The following ZNF699 variants were observed in gnomAD, a reference collection of about 807,000 sequenced individuals.
ZNF699 encodes the protein zinc finger protein 699.
A neutral mutation model predicts 22.5 loss-of-function variants in ZNF699; 18 were observed. That is an observed-to-expected ratio of 0.80 (90% CI 0.55 to 1.19). The LOEUF is 1.19. Among genes scored for constraint, ZNF699 ranks in the 50% most tolerant of loss-of-function variants. ZNF699 has a pLI of 0.00. For synonymous variants in ZNF699, 241 were observed against 262.3 expected (o/e 0.92, Z 0.78); for missense variants, 670 against 763.4 (o/e 0.88, Z 1.44).
intron 3 of ZNF699, among the ~76,000 whole-genome samples, chr19:9,298,736 C>G (rs1045342763): frequency 6.6e-6 from 1 of 152,162 alleles, no homozygotes; most frequent in African/African-American, 2.4e-5. Context: ...ATAATACTGT[C>G]AGCAACCAGC....
At position 9,298,540 on chromosome 19, in the gene ZNF699, G is replaced by A. The variant is rs145519838; in HGVS notation, c.176-550C>T. ...CACCTAAACCTCAATATCATTACAA[G>A]CTGGTCAGACAGTCACAACTGGGAC... On this transcript the variant is annotated intron_variant, in intron 3 of 5. Coordinates refer to ENST00000591998, the MANE Select transcript of ZNF699 (RefSeq NM_198535.3). Among the ~76,000 whole-genome samples the A allele has an allele frequency of 4.9e-4, 75 of 151,848 alleles. 1 individual carries two copies. The highest frequency in any genetic ancestry group is 1.7e-3 in the African/African-American group (72 of 41,402).
chr19:9,301,886 G>T (rs2144980130), intron 3 of ZNF699, among the ~76,000 whole-genome samples: 1 of 151,562 alleles, frequency 6.6e-6, no homozygotes, highest in Non-Finnish European at 1.5e-5. Flanking sequence ...TCAATATACA[G>T]ATGTTTATTT....
Position 9,297,048 on chromosome 19 carries a change from C to G in ZNF699, c.471-115G>C. 14 of 939,656 alleles carry G rather than the reference C, an allele frequency of 1.5e-5. No individual in the cohort carries two copies. In the South Asian group the frequency reaches 2.6e-4, roughly 17 times the overall value. 58.2% of individuals were successfully genotyped at this position (939,656 alleles called of 1,614,324 possible). A position where few individuals can be genotyped will look rare whatever the true frequency, so the allele number is the denominator to read the frequency against. On this transcript the variant is annotated intron_variant, in intron 5 of 5. Transcript: ENST00000591998. This position sits in a 1 kb window ranked among gnomAD's most constrained non-coding sequence, Gnocchi z 4.3. The stretch of plus-strand genomic sequence containing the variant: ...CTGAAAGTTTTCACAGAGGGCTCTA[C>G]GACAGCCAATACTGTCACTGAGTTA...
Position 9,296,876 on chromosome 19 carries a change from A to G in ZNF699, c.528T>C (p.Thr176=), listed in dbSNP as rs1360037679. 6.2e-7 allele frequency: 1 copy of G among 1,613,722 alleles called. No homozygotes were observed. The highest frequency in any genetic ancestry group is 8.5e-7 in the Non-Finnish European group (1 of 1,179,742). ...ECYEENQDGQ[T]FSQVPNLDSL... ...AATCAAGATTTGGAACTTGGCTGAA[A>G]GTCTGTCCATCTTGATTTTCTTCAT... The change falls in exon 6 of 6, where the codon ACT becomes ACC. Residue 176 remains threonine, a synonymous_variant. Transcript: ENST00000591998.
chr19:9,307,466 A>G (rs1360249131), intron 1 of ZNF699, among the ~76,000 whole-genome samples: 3 of 152,254 alleles, frequency 2.0e-5, no homozygotes, highest in Admixed American at 6.5e-5. Flanking sequence ...GATACATGCT[A>G]TATAAAAAAT....
In ZNF699 at chr19:9,295,986, A is replaced by G. The variant is rs1450296291; in HGVS notation, c.1418T>C (p.Ile473Thr). The change falls in exon 6 of 6, where the codon ATA (isoleucine) becomes ACA (threonine). Residue 473 changes from isoleucine (I) to threonine (T), a missense_variant. Transcript: ENST00000591998. ...RAHVRDHTGK[I>T]QYECKECGKT... ...CCCACACTCCTTACATTCATACTGTATCTTTCCAGTGTGATCTCTCACATG... is the reference window on the plus strand; with the variant it reads ...CCCACACTCCTTACATTCATACTGTGTCTTTCCAGTGTGATCTCTCACATG... 5.0e-6 allele frequency: 8 copies of G among 1,611,938 alleles called. No homozygotes were observed. The highest frequency in any genetic ancestry group is 6.8e-6 in the Non-Finnish European group (8 of 1,179,552).
rs1242848555 is a variant in ZNF699 at position 9,293,416 on chromosome 19, T to A, written c.*2059A>T. The stretch of plus-strand genomic sequence containing the variant: ...ACTAAATTTAAAGTCTACCCTATGA[T>A]TCAGTAAATTCATTCCTGAGCATAT... On this transcript the variant is annotated 3_prime_UTR_variant, in exon 6 of 6. Transcript: ENST00000591998. 2.6e-5 allele frequency among the ~76,000 whole-genome samples: 4 copies of A among 152,206 alleles called. No homozygotes were observed. The highest frequency in any genetic ancestry group is 4.4e-5 in the Non-Finnish European group (3 of 68,034).
At position 9,296,286 on chromosome 19, in the gene ZNF699, C is replaced by A. The variant is rs1189420950; in HGVS notation, c.1118G>T (p.Ser373Ile). The A allele has an allele frequency of 1.9e-6, 3 of 1,613,728 alleles. No homozygotes were observed. The African/African-American group carries it at 4.0e-5, about 22-fold the overall frequency. The change falls in exon 6 of 6, where the codon AGC becomes ATC. Residue 373 changes from serine (S) to isoleucine (I), a missense_variant. Coordinates refer to ENST00000591998, the MANE Select transcript of ZNF699 (RefSeq NM_198535.3). ...ATGTACAGTGAGTTTTGAGGACTCG[C>A]TGAAGGCCTTCCCACACTCTTTACA... ...YECKECGKAF[S>I]ESSKLTVHGR...
intron 3 of ZNF699, among the ~76,000 whole-genome samples, chr19:9,299,162 T>C (rs1220417546): frequency 6.6e-6 from 1 of 152,066 alleles, no homozygotes; most frequent in Non-Finnish European, 1.5e-5. Flanking sequence ...TGAGACGGAG[T>C]CTCGCTCTGT....
At chr19:9,304,023 G>T (rs1388512229) in intron 2 of ZNF699, among the ~76,000 whole-genome samples, 1 of 151,920 alleles carries the variant, frequency 6.6e-6, no homozygotes, top group Non-Finnish European at 1.5e-5. Context: ...GTTTCACCAT[G>T]TTGGCCAGAC....
At position 9,296,416 on chromosome 19, in the gene ZNF699, T is replaced by C; in HGVS notation, c.988A>G (p.Ser330Gly). ...TTACATTCATATGGCTTATCTCCAC[T>C]GTGAATTCTTTTGTGTTTGGAGAGT... is the stretch of plus-strand genomic sequence containing the variant. ...SSLSKHKRIH[S>G]GDKPYECKEC... The change falls in exon 6 of 6, where the codon AGT becomes GGT. Residue 330 changes from serine (S) to glycine (G), a missense_variant. Coordinates refer to ENST00000591998, the MANE Select transcript of ZNF699 (RefSeq NM_198535.3). 6.2e-7 allele frequency: 1 copy of C among 1,614,110 alleles called. No homozygotes were observed. Among genetic ancestry groups the C allele is most frequent in the Non-Finnish European group, 8.5e-7 (1 of 1,179,982 alleles).
At chr19:9,298,078 G>A (rs2066293795) in intron 3 of ZNF699, 88 bp from the exon 4 acceptor site, 1 of 794,114 alleles carries the variant, frequency 1.3e-6, no homozygotes, top group East Asian at 2.6e-5. Context: ...TTAGTCTTCT[G>A]ATATTCCAAA....
At chr19:9,308,984 T>C (rs1156408832) in intron 1 of ZNF699, among the ~76,000 whole-genome samples, 1 of 152,148 alleles carries the variant, frequency 6.6e-6, no homozygotes, top group Non-Finnish European at 1.5e-5. Context: ...ACAGGCAGAA[T>C]ATAATATCCA....
At chr19:9,302,048 A>T (rs2066309432) in intron 3 of ZNF699, among the ~76,000 whole-genome samples, 1 of 151,988 alleles carries the variant, frequency 6.6e-6, no homozygotes, top group Non-Finnish European at 1.5e-5. Context: ...GATTACAAGC[A>T]TGCACCACCA....
Position 9,297,826 on chromosome 19 carries a change from A to T in ZNF699, c.286+54T>A. 7.1e-7 allele frequency: 1 copy of T among 1,402,980 alleles called. No homozygotes were observed. Among genetic ancestry groups the T allele is most frequent in the Admixed American group, 1.8e-5 (1 of 57,090 alleles). The allele number at this position is 1,402,980 out of a possible 1,614,324, so 86.9% of individuals were successfully genotyped here. ...AAAACAAAGTTTGTTTTTGTTTTTT[A>T]CTTTAAGTTTATTTTTTCCCCCAAC... On this transcript the variant is annotated intron_variant, in intron 4 of 5. Transcript: ENST00000591998. The surrounding 1 kb of genome is among the most constrained non-coding windows in gnomAD (Gnocchi z 4.3).
chr19:9,304,157 A>G (rs1036810795), intron 2 of ZNF699, among the ~76,000 whole-genome samples: 2 of 152,154 alleles, frequency 1.3e-5, no homozygotes, highest in Non-Finnish European at 2.9e-5. Flanking sequence ...GATGGTGACC[A>G]ATGCCAGTCT....
intron 3 of ZNF699, among the ~76,000 whole-genome samples, chr19:9,300,680 C>T (rs1017289652): frequency 6.6e-6 from 1 of 152,132 alleles, no homozygotes; most frequent in African/African-American, 2.4e-5. Flanking sequence ...GTGAAAGAAG[C>T]CAATCTGAAA....
chr19:9,305,147 T>C (rs779936531), intron 1 of ZNF699, 23 bp from the exon 2 acceptor site: 39 of 1,609,144 alleles, frequency 2.4e-5, no homozygotes, highest in African/African-American at 2.7e-5. Context: ...AAGCAGGATA[T>C]TGAGAAGTTA....
intron 1 of ZNF699, among the ~76,000 whole-genome samples, chr19:9,307,486 T>A (rs2066331709): frequency 6.6e-6 from 1 of 152,312 alleles, no homozygotes; most frequent in South Asian, 2.1e-4. Flanking sequence ...TGTAGCACAT[T>A]ATAGGGATAA....
Sources: allele counts gnomAD v4.1 joint callset (sites outside exome capture counted in the v4.1 genomes callset), GRCh38; gene constraint gnomAD v4.1.1; non-coding constraint Gnocchi (gnomAD v3.1); transcripts MANE v1.5; gene names NCBI Gene and HGNC (gene_info 2026-07-23, HGNC 2026-07-21).